Variants in RPTOR observed in about 807,000 individuals in gnomAD.
RPTOR encodes regulatory associated protein of MTOR complex 1, also known as regulatory-associated protein of mTOR.
A neutral mutation model predicts 169.9 loss-of-function variants in RPTOR; 21 were observed. That is an observed-to-expected ratio of 0.12 (90% CI 0.09 to 0.18). The LOEUF (loss-of-function observed/expected upper bound fraction) is 0.18, where lower values mean the gene tolerates loss of function less well. RPTOR is among the 10% of genes least tolerant of loss of function. The probability of loss-of-function intolerance (pLI) is 1.00; values close to 1 mark genes in which losing one functional copy is unlikely to be tolerated. For missense variants in RPTOR, 1,133 were observed against 1,855.9 expected, an observed-to-expected ratio of 0.61 and a Z score of 7.16; for synonymous variants, 732 against 753.2, an observed-to-expected ratio of 0.97 and a Z score of 0.46.
chr17:80,840,576 C>T (rs1306328858), intron 10 of RPTOR, among the ~76,000 whole-genome samples: 1 of 136,710 alleles, frequency 7.3e-6, no homozygotes, highest in African/African-American at 2.9e-5. Context: ...TCACACCGCA[C>T]GGCAGCTCAC....
At chr17:80,588,316 C>T (rs1194535112) in intron 1 of RPTOR, among the ~76,000 whole-genome samples, 1 of 152,088 alleles carries the variant, frequency 6.6e-6, no homozygotes, top group African/African-American at 2.4e-5. Flanking sequence ...GTGTTCACCA[C>T]CACGCCTGGC....
chr17:80,737,144 G>T (rs558244485), intron 5 of RPTOR, among the ~76,000 whole-genome samples: 11 of 152,232 alleles, frequency 7.2e-5, no homozygotes, highest in Non-Finnish European at 1.2e-4. Flanking sequence ...GGTTAATTTA[G>T]ATTATTCTCT....
intron 3 of RPTOR, among the ~76,000 whole-genome samples, chr17:80,705,672 A>G (rs1001406796): frequency 1.3e-5 from 2 of 152,154 alleles, no homozygotes; most frequent in Non-Finnish European, 2.9e-5. Context: ...TTCTCTGGAA[A>G]TGCCAGGGAA....
chr17:80,767,597 A>G (rs2066800583), intron 6 of RPTOR, among the ~76,000 whole-genome samples: 1 of 152,236 alleles, frequency 6.6e-6, no homozygotes, highest in Non-Finnish European at 1.5e-5. Flanking sequence ...CCGCACCCAG[A>G]TATCTTTACT....
At chr17:80,774,602 G>C (rs909153799) in intron 6 of RPTOR, among the ~76,000 whole-genome samples, 1 of 152,190 alleles carries the variant, frequency 6.6e-6, no homozygotes, top group Non-Finnish European at 1.5e-5. Context: ...TCACCAACGT[G>C]AGCTGAAGTT....
chr17:80,806,386 C>T (rs532284607), intron 7 of RPTOR, among the ~76,000 whole-genome samples: 12 of 152,224 alleles, frequency 7.9e-5, no homozygotes, highest in East Asian at 1.9e-4. Flanking sequence ...ATAAGTGTTC[C>T]GTGGTCCTGT....
chr17:80,693,361 G>A (rs1343106474), intron 3 of RPTOR, among the ~76,000 whole-genome samples: 10 of 152,210 alleles, frequency 6.6e-5, no homozygotes, highest in Admixed American at 3.3e-4. Context: ...GGTGTTTCTC[G>A]GGTTCATTGG....
intron 24 of RPTOR, among the ~76,000 whole-genome samples, chr17:80,938,096 G>A (rs1292062817): frequency 2.0e-5 from 3 of 152,264 alleles, no homozygotes; most frequent in Non-Finnish European, 4.4e-5. Context: ...TGGGCCGGGA[G>A]AGGGCCCTTG....
At chr17:80,811,567 C>T (rs2143576552) in intron 7 of RPTOR, among the ~76,000 whole-genome samples, 1 of 151,770 alleles carries the variant, frequency 6.6e-6, no homozygotes, top group East Asian at 1.9e-4. Context: ...TCACTCTATC[C>T]ACAGAACATA....
chr17:80,919,914 G>A lies in RPTOR; in HGVS notation c.2521-2810G>A, dbSNP rs544914752. On this transcript the variant is annotated intron_variant, in intron 21 of 33. Coordinates refer to ENST00000306801, the MANE Select transcript of RPTOR (RefSeq NM_020761.3). Reference sequence around the variant, plus strand: ...CCTCTGCAGGCTGCGAGTGAGCCGGGGCTCTGGGGGTGTACATGCTGAGAA... The same window carrying A: ...CCTCTGCAGGCTGCGAGTGAGCCGGAGCTCTGGGGGTGTACATGCTGAGAA... 3.3e-5 allele frequency among the ~76,000 whole-genome samples: 5 copies of A among 152,368 alleles called. No individual in the cohort carries two copies. In the South Asian group the frequency reaches 1.0e-3, roughly 32 times the overall value.
chr17:80,580,523 GTATTTT>G (rs534372906), intron 1 of RPTOR, among the ~76,000 whole-genome samples: 90 of 152,244 alleles, frequency 5.9e-4, no homozygotes, highest in South Asian at 5.0e-3. Flanking sequence ...GTGTAGTTGA[GTATTTT>G]TACATATGTT....
At chr17:80,556,840 T>C in intron 1 of RPTOR, among the ~76,000 whole-genome samples, 1 of 150,946 alleles carries the variant, frequency 6.6e-6, no homozygotes, top group African/African-American at 2.4e-5. Flanking sequence ...ACGCCTGTAA[T>C]CCCAGCACTT....
chr17:80,748,481 T>G (rs147576596), intron 5 of RPTOR, among the ~76,000 whole-genome samples: 6 of 43,456 alleles, frequency 1.4e-4, no homozygotes, highest in Admixed American at 4.3e-4. Flanking sequence ...TTTGGAAGCC[T>G]TGGCGGGAGG....
intron 7 of RPTOR, among the ~76,000 whole-genome samples, chr17:80,819,215 T>C (rs992811752): frequency 1.7e-4 from 26 of 152,194 alleles, no homozygotes; most frequent in Non-Finnish European, 8.8e-5. Flanking sequence ...AGCCAGGGTT[T>C]TGGCAGTTCC....
chr17:80,919,396 G>A (rs940730555), intron 21 of RPTOR, among the ~76,000 whole-genome samples: 1 of 152,122 alleles, frequency 6.6e-6, no homozygotes, highest in Non-Finnish European at 1.5e-5. Flanking sequence ...CCAGATCCTC[G>A]ATATAAAATT....
chr17:80,732,776 T>C lies in RPTOR; in HGVS notation c.654+2070T>C, dbSNP rs191368632. Among the ~76,000 whole-genome samples, 123 of 152,396 alleles carry C rather than the reference T, an allele frequency of 8.1e-4. 1 individual carries two copies. Among genetic ancestry groups the C allele is most frequent in the African/African-American group, 2.8e-3 (116 of 41,596 alleles). ...CTAGCTAATAGCTTAATGTTCATTT[T>C]AGTAATTTCACTATCTGCTAGAGAA... On this transcript the variant is annotated intron_variant, in intron 5 of 33. Coordinates refer to ENST00000306801, the MANE Select transcript of RPTOR (RefSeq NM_020761.3).
intron 4 of RPTOR, among the ~76,000 whole-genome samples, chr17:80,714,805 C>G (rs1263956500): frequency 1.3e-5 from 2 of 152,188 alleles, no homozygotes; most frequent in Non-Finnish European, 2.9e-5. Flanking sequence ...CCCACTGCAA[C>G]CTTTGTCTCC....
intron 24 of RPTOR, among the ~76,000 whole-genome samples, chr17:80,927,505 C>G (rs1045054384): frequency 2.0e-5 from 3 of 152,108 alleles, no homozygotes; most frequent in African/African-American, 7.2e-5. Context: ...ATGAATTTGA[C>G]TTTTCCCCAA....
chr17:80,951,951 A>G (rs767928791), intron 28 of RPTOR, among the ~76,000 whole-genome samples: 6 of 152,222 alleles, frequency 3.9e-5, no homozygotes, highest in Non-Finnish European at 8.8e-5. Flanking sequence ...TGTCCTTACA[A>G]GAAGAGGCCA....
Sources: gnomAD v4.1 joint callset for allele counts (sites outside exome capture counted in the v4.1 genomes callset) on GRCh38, gnomAD v4.1.1 for gene constraint, MANE v1.5 for transcripts, NCBI Gene and HGNC (gene_info 2026-07-23, HGNC 2026-07-21) for gene names.